GPX7: variants seen among roughly 807,000 people sequenced by gnomAD.
The protein encoded by GPX7 is protein peroxidase GPX7.
Under a neutral mutation model 23.7 loss-of-function variants are expected in GPX7, and 21 were observed. That is an observed-to-expected ratio of 0.89 (90% CI 0.63 to 1.28). The LOEUF is 1.28. Ranked by LOEUF, GPX7 falls within the 50% of genes most tolerant of loss-of-function variation. The pLI, the probability that GPX7 is intolerant of heterozygous loss-of-function variation, is 0.00. For missense variants in GPX7, 238 were observed against 237.3 expected, an observed-to-expected ratio of 1.00 and a Z score of -0.02; for synonymous variants, 112 against 101.8, an observed-to-expected ratio of 1.10 and a Z score of -0.61.
intron 1 of GPX7, 136 bp from the exon 2 acceptor site, chr1:52,606,548 A>G (rs1424844691): frequency 1.0e-5 from 9 of 899,410 alleles, no homozygotes; most frequent in South Asian, 1.6e-5. Context: ...ACATATGTGT[A>G]CACAGTGTTC....
At chr1:52,606,624 A>G in intron 1 of GPX7, 60 bp from the exon 2 acceptor site, 1 of 1,564,122 alleles carries the variant, frequency 6.4e-7, no homozygotes. Context: ...GGGCATGTAC[A>G]GGTTCATGCC....
At chr1:52,602,628 C>T (rs1460448978) in intron 1 of GPX7, 81 bp downstream of exon 1, 1 of 860,192 alleles carries the variant, frequency 1.2e-6, no homozygotes, top group Non-Finnish European at 1.6e-6. Flanking sequence ...GCAGCCCGGT[C>T]CCCCGCGCGG....
chr1:52,603,001 GATCA>G (rs879917501), intron 1 of GPX7, among the ~76,000 whole-genome samples: 3 of 120,960 alleles, frequency 2.5e-5, no homozygotes, highest in African/African-American at 6.9e-5. Flanking sequence ...ACACTGTGGA[GATCA>G]ATGTGCAGGG....
rs1690807651 is a variant in GPX7, at chr1:52,602,399, C to T, written c.-11C>T. 6.7e-7 allele frequency: 1 copy of T among 1,485,134 alleles called. No individual in the cohort carries two copies. Among genetic ancestry groups the T allele is most frequent in the Non-Finnish European group, 8.9e-7 (1 of 1,119,218 alleles). 92.0% of individuals were successfully genotyped at this position (1,485,134 alleles called of 1,614,324 possible). ...TTTGCCCTCGCGACGCCGCCACCTC[C>T]GGAACAAGCCATGGTGGCGGCGACG... On this transcript the variant is annotated 5_prime_UTR_variant, in exon 1 of 3. Transcript: ENST00000361314.
At chr1:52,606,195 T>G (rs886374509) in intron 1 of GPX7, among the ~76,000 whole-genome samples, 1 of 152,198 alleles carries the variant, frequency 6.6e-6, no homozygotes, top group Non-Finnish European at 1.5e-5. Flanking sequence ...GTTCACATTC[T>G]AGAAGGGAGA....
At chr1:52,608,138 G>A (rs919161252) in intron 2 of GPX7, 124 bp from the exon 3 acceptor site, 4 of 728,440 alleles carry the variant, frequency 5.5e-6, no homozygotes, top group Admixed American at 3.2e-5. Flanking sequence ...TCTGGTTGGA[G>A]TGGTCTGGGG....
Position 52,608,365 on chromosome 1 carries a change from CAG to C in GPX7, c.506_507del (p.Arg169ThrfsTer74). 4 of 1,614,104 alleles carry C rather than the reference CAG, an allele frequency of 2.5e-6. No individual in the cohort carries two copies. Among genetic ancestry groups the C allele is most frequent in the Non-Finnish European group, 3.4e-6 (4 of 1,179,998 alleles). ...WDPTVSVEEV[R>X]PQITALVRKL... ...ACCCAACTGTGTCAGTGGAGGAGGT[CAG>C]ACCCCAGATCACAGCGCTCGTGAGG... On this transcript the variant is annotated frameshift_variant, in exon 3 of 3. Transcript: ENST00000361314. LOFTEE classifies it high-confidence loss of function.
In GPX7 at chr1:52,606,753, C is replaced by T. The variant is rs140026272; in HGVS notation, c.208C>T (p.Leu70=). The T allele has an allele frequency of 3.3e-5, 53 of 1,614,072 alleles. No homozygotes were observed. Among genetic ancestry groups the T allele is most frequent in the Non-Finnish European group, 4.4e-5 (52 of 1,180,040 alleles). ...TDQHYRALQQ[L]QRDLGPHHFN... is the part of the protein sequence containing the mutation. ...CCAGCACTACCGAGCCCTGCAGCAG[C>T]TGCAGCGAGACCTGGGCCCCCACCA... Residue 70 remains leucine, a synonymous_variant, in exon 2 of 3, where the codon CTG becomes TTG. Coordinates refer to ENST00000361314, the MANE Select transcript of GPX7 (RefSeq NM_015696.5).
chr1:52,605,781 G>A (rs560912593), intron 1 of GPX7, among the ~76,000 whole-genome samples: 69 of 152,288 alleles, frequency 4.5e-4, no homozygotes, highest in African/African-American at 1.6e-3. Context: ...GTCCAGCCTG[G>A]ACAACATGGC....
In GPX7 at chr1:52,602,544, A is replaced by G. The variant is rs150886014; in HGVS notation, c.135A>G (p.Gly45=). The G allele has an allele frequency of 5.8e-6, 9 of 1,556,582 alleles. No homozygotes were observed. Among genetic ancestry groups the G allele is most frequent in the African/African-American group, 1.4e-5 (1 of 70,084 alleles). Reference sequence around the variant, plus strand: ...TGGTGTCGCTGGAGAAGTACCGCGGATCGGTGAGTGCGCGGGGTCTGGCGG... The same window carrying G: ...TGGTGTCGCTGGAGAAGTACCGCGGGTCGGTGAGTGCGCGGGGTCTGGCGG... ...GKLVSLEKYR[G]SVSLVVNVAS... Residue 45 remains glycine, a synonymous_variant, in exon 1 of 3, where the codon GGA becomes GGG. Coordinates refer to ENST00000361314, the MANE Select transcript of GPX7 (RefSeq NM_015696.5).
At chr1:52,606,499 A>C (rs560798219) in intron 1 of GPX7, among the ~76,000 whole-genome samples, 185 bp from the exon 2 acceptor site, 5 of 152,226 alleles carry the variant, frequency 3.3e-5, no homozygotes, top group African/African-American at 9.6e-5. Context: ...GTCTGTGTGC[A>C]TGTGTTTGTG....
At chr1:52,604,098 G>T (rs1690829723) in intron 1 of GPX7, among the ~76,000 whole-genome samples, 1 of 152,216 alleles carries the variant, frequency 6.6e-6, no homozygotes, top group African/African-American at 2.4e-5. Flanking sequence ...ATGGGGTAAG[G>T]AGAAGAAAGA....
In GPX7 at chr1:52,608,565, TG is replaced by T. The variant is rs1179852581; in HGVS notation, c.*145del. On this transcript the variant is annotated 3_prime_UTR_variant, in exon 3 of 3. Coordinates refer to ENST00000361314, the MANE Select transcript of GPX7 (RefSeq NM_015696.5). ...TATGCCATTGGTCCCATCATTCTTG[TG>T]GGGGAAAAATTCTAGTATTTTGATT... 1 of 617,538 alleles carries T rather than the reference TG, an allele frequency of 1.6e-6. No homozygotes were observed. Among genetic ancestry groups the T allele is most frequent in the Non-Finnish European group, 2.5e-6 (1 of 404,982 alleles). 38.3% of individuals were successfully genotyped at this position (617,538 alleles called of 1,614,324 possible).
chr1:52,607,269 T>C, intron 2 of GPX7: 1 of 368,868 alleles, frequency 2.7e-6, no homozygotes, highest in East Asian at 5.0e-5. Context: ...CAGTGTGAAC[T>C]AGATGAGTTT....
In GPX7 at chr1:52,602,556, G is replaced by C; in HGVS notation, c.138+9G>C. The C allele has an allele frequency of 6.5e-7, 1 of 1,537,556 alleles. No homozygotes were observed. Among genetic ancestry groups the C allele is most frequent in the South Asian group, 1.2e-5 (1 of 83,316 alleles). On this transcript the variant is annotated intron_variant, in intron 1 of 2. Coordinates refer to ENST00000361314, the MANE Select transcript of GPX7 (RefSeq NM_015696.5). The stretch of plus-strand genomic sequence containing the variant: ...AGAAGTACCGCGGATCGGTGAGTGC[G>C]CGGGGTCTGGCGGCGCCGCTGGGCC...
chr1:52,602,734 C>G (rs35607140), intron 1 of GPX7, among the ~76,000 whole-genome samples, 187 bp downstream of exon 1: 11,637 of 151,094 alleles, frequency 0.077, 553 homozygotes, highest in African/African-American at 0.13. Context: ...ATCCCGCGCC[C>G]GGCCCGGCCC....
chr1:52,609,004 C>A lies in GPX7; in HGVS notation c.*579C>A, dbSNP rs1021049815. On this transcript the variant is annotated 3_prime_UTR_variant, in exon 3 of 3. Coordinates refer to ENST00000361314, the MANE Select transcript of GPX7 (RefSeq NM_015696.5). ...AGAAATGCAAGTTCATTGTAACAAT[C>A]CAAACAATACCTCACGATATAAAAT... 2.0e-5 allele frequency: 3 copies of A among 152,352 alleles called. No individual in the cohort carries two copies. The highest frequency in any genetic ancestry group is 7.2e-5 in the African/African-American group (3 of 41,440). The allele number at this position is 152,352 out of a possible 1,614,324, so 9.4% of individuals were successfully genotyped here.
intron 1 of GPX7, among the ~76,000 whole-genome samples, chr1:52,604,745 T>TAAAAATAAGC (rs1372481615): frequency 6.6e-6 from 1 of 152,064 alleles, no homozygotes; most frequent in Non-Finnish European, 1.5e-5. Flanking sequence ...AGTTGTGAGT[T>TAAAAATAAGC]AAAAATAAGC....
At chr1:52,603,016 CAG>C (rs35128274) in intron 1 of GPX7, among the ~76,000 whole-genome samples, 118,630 of 151,836 alleles carry the variant, frequency 0.78, 46,638 homozygotes, top group African/African-American at 0.88. Context: ...ATGTGCAGGG[CAG>C]AGAGAGAGTT....
Sources: allele counts gnomAD v4.1 joint callset (sites outside exome capture counted in the v4.1 genomes callset), GRCh38; gene constraint gnomAD v4.1.1; transcripts MANE v1.5; gene names NCBI Gene and HGNC (gene_info 2026-07-23, HGNC 2026-07-21).